Variants in PDK1 observed in about 807,000 individuals in gnomAD.
PDK1 encodes the protein pyruvate dehydrogenase kinase 1.
A neutral mutation model predicts 54.2 loss-of-function variants in PDK1; 39 were observed. That is an observed-to-expected ratio of 0.72 (90% CI 0.56 to 0.94). The LOEUF (loss-of-function observed/expected upper bound fraction) is 0.94. PDK1 is among the 40% of genes least tolerant of loss of function. The pLI is 0.00. For missense variants in PDK1, 552 were observed against 566.0 expected (o/e 0.98, Z 0.25); for synonymous variants, 221 against 207.1 (o/e 1.07, Z -0.58).
intron 8 of PDK1, among the ~76,000 whole-genome samples, chr2:172,577,800 T>C (rs928940808): frequency 3.3e-5 from 5 of 152,184 alleles, no homozygotes; most frequent in African/African-American, 7.2e-5. Context: ...TACAGAGATT[T>C]ATAATTATTG....
chr2:172,579,922 A>G (rs1553482373), intron 8 of PDK1, among the ~76,000 whole-genome samples: 2 of 151,810 alleles, frequency 1.3e-5, no homozygotes, highest in Non-Finnish European at 1.5e-5. Flanking sequence ...TCAACTTTTT[A>G]TTCTATTCTG....
the PDK1 span, among the ~76,000 whole-genome samples, chr2:172,688,264 T>C: frequency 6.6e-6 from 1 of 152,122 alleles, no homozygotes; most frequent in Non-Finnish European, 1.5e-5. Flanking sequence ...GTGCCAGAAG[T>C]ATGTGATATG....
chr2:172,558,667 T>C (rs369326536), intron 1 of PDK1, 41 bp from the exon 2 acceptor site: 150 of 1,537,428 alleles, frequency 9.8e-5, no homozygotes, highest in Non-Finnish European at 1.2e-4. Flanking sequence ...TGTTTCCTTA[T>C]GGCTTTTACT....
At chr2:172,587,376 C>T (rs976385405) in intron 9 of PDK1, among the ~76,000 whole-genome samples, 2 of 151,820 alleles carry the variant, frequency 1.3e-5, no homozygotes. Context: ...TTGTTTGTTC[C>T]TCTCAGTGGG....
At position 172,600,205 on chromosome 2, in the gene PDK1, C is replaced by T. The variant is rs779515208; in HGVS notation, c.*4236C>T. ...CATGGTTTTGTACTTAGATGTCTCT[C>T]ATTATGGAATTCAGAATGTGACAGT... On this transcript the variant is annotated 3_prime_UTR_variant, in exon 11 of 11. Coordinates refer to ENST00000282077, the MANE Select transcript of PDK1 (RefSeq NM_002610.5). 3 of 152,110 alleles carry T rather than the reference C, an allele frequency of 2.0e-5. No homozygotes were observed. Among genetic ancestry groups the T allele is most frequent in the Admixed American group, 6.6e-5 (1 of 15,262 alleles). 9.4% of individuals were successfully genotyped at this position (152,110 alleles called of 1,614,324 possible).
the PDK1 span, among the ~76,000 whole-genome samples, chr2:172,617,866 A>G: frequency 2.0e-5 from 3 of 152,224 alleles, no homozygotes; most frequent in Non-Finnish European, 2.9e-5. Flanking sequence ...ACATACATAT[A>G]TTTATACACA....
chr2:172,681,215 AAAG>A, the PDK1 span, among the ~76,000 whole-genome samples: 1 of 152,238 alleles, frequency 6.6e-6, no homozygotes, highest in Non-Finnish European at 1.5e-5. Context: ...AAAGGAGTGA[AAAG>A]AAGTTAAGCG....
rs144985808 is a variant in PDK1 at position 172,564,534 on chromosome 2, C to T, written c.442C>T (p.Arg148Ter). 4.4e-5 allele frequency: 71 copies of T among 1,613,882 alleles called. No individual in the cohort carries two copies. Among genetic ancestry groups the T allele is most frequent in the Non-Finnish European group, 5.3e-5 (62 of 1,179,892 alleles). Residue 148 changes from arginine to a stop codon, truncating the protein, a stop_gained, in exon 4 of 11, where the codon CGA (arginine) becomes TGA (stop). Coordinates refer to ENST00000282077, the MANE Select transcript of PDK1 (RefSeq NM_002610.5). LOFTEE classifies it high-confidence loss of function. ...AGATACTGTGATACGGATCAGAAAC[C>T]GACACAATGATGTCATTCCCACAAT... ...FTDTVIRIRN[R>*]HNDVIPTMAQ...
chr2:172,599,618 T>C lies in PDK1; in HGVS notation c.*3649T>C, dbSNP rs1691044972. 1 of 152,196 alleles carries C rather than the reference T, an allele frequency of 6.6e-6. No individual in the cohort carries two copies. Among genetic ancestry groups the C allele is most frequent in the African/African-American group, 2.4e-5 (1 of 41,458 alleles). 9.4% of individuals were successfully genotyped at this position (152,196 alleles called of 1,614,324 possible). A position where few individuals can be genotyped will look rare whatever the true frequency, so the allele number is the denominator to read the frequency against. On this transcript the variant is annotated 3_prime_UTR_variant, in exon 11 of 11. Transcript: ENST00000282077. ...GAAAAATAATATAATTAATACTGTG[T>C]GAAGAATTTTTTGCATGTTAAAAAA...
the PDK1 span, among the ~76,000 whole-genome samples, chr2:172,634,772 C>CAAAAAAAA: frequency 7.7e-6 from 1 of 129,750 alleles, no homozygotes. Flanking sequence ...TCTTAAAATG[C>CAAAAAAAA]AAAAAAAAAA....
chr2:172,671,213 C>G, the PDK1 span, among the ~76,000 whole-genome samples: 1 of 151,134 alleles, frequency 6.6e-6, no homozygotes, highest in Admixed American at 6.6e-5. Flanking sequence ...TTGCGTCATC[C>G]TAGTCTTTGT....
chr2:172,658,519 C>G, the PDK1 span, among the ~76,000 whole-genome samples: 95 of 152,172 alleles, frequency 6.2e-4, no homozygotes, highest in African/African-American at 2.2e-3. Flanking sequence ...TTTTAGGGAA[C>G]AAGGGAGGAC....
chr2:172,610,724 C>T (rs1483717013), downstream of PDK1, among the ~76,000 whole-genome samples: 1 of 152,182 alleles, frequency 6.6e-6, no homozygotes, highest in Non-Finnish European at 1.5e-5. Context: ...GATTCTCCTG[C>T]CTCAGCCTCC....
the PDK1 span, among the ~76,000 whole-genome samples, chr2:172,701,374 C>G: frequency 6.6e-6 from 1 of 152,188 alleles, no homozygotes; most frequent in Non-Finnish European, 1.5e-5. Context: ...GGCAACTGTC[C>G]AAATGAATCA....
intron 8 of PDK1, among the ~76,000 whole-genome samples, chr2:172,576,229 A>G (rs1689578263): frequency 6.6e-6 from 1 of 152,106 alleles, no homozygotes; most frequent in Non-Finnish European, 1.5e-5. Flanking sequence ...CCCAGCCTAT[A>G]GTTTGTGTTT....
At chr2:172,622,284 T>TATTATGTGAGATATGTTTATATCTC in the PDK1 span, among the ~76,000 whole-genome samples, 34 of 79,886 alleles carry the variant, frequency 4.3e-4, no homozygotes, top group Admixed American at 1.1e-3. Flanking sequence ...TTATATCTCA[T>TATTATGTGAGATATGTTTATATCTC]ATATTATGTG....
chr2:172,618,431 A>T, the PDK1 span, among the ~76,000 whole-genome samples: 2 of 152,256 alleles, frequency 1.3e-5, no homozygotes, highest in Non-Finnish European at 1.5e-5. Flanking sequence ...AGCAATAAAG[A>T]TTAAAACATT....
chr2:172,564,492 GGTTT>G lies in PDK1; in HGVS notation c.411-6_411-3del. ...AAATATTTGGCTGTTTTGACAGATG[GGTTT>G]GTTTAGCTTTACAGATACTGTGATA... is the stretch of plus-strand genomic sequence containing the variant. On this transcript the variant is annotated splice_region_variant and splice_polypyrimidine_tract_variant and intron_variant, in intron 3 of 10. Transcript: ENST00000282077. 1 of 1,599,914 alleles carries G rather than the reference GGTTT, an allele frequency of 6.3e-7. No individual in the cohort carries two copies. Among genetic ancestry groups the G allele is most frequent in the Non-Finnish European group, 8.6e-7 (1 of 1,169,336 alleles).
the PDK1 span, among the ~76,000 whole-genome samples, chr2:172,700,648 C>T: frequency 0.19 from 28,632 of 151,928 alleles, 3,284 homozygotes; most frequent in African/African-American, 0.32. Flanking sequence ...GAGGCTAAGG[C>T]AGGCGGCTGG....
Sources: gnomAD v4.1 joint callset for allele counts (sites outside exome capture counted in the v4.1 genomes callset) on GRCh38, gnomAD v4.1.1 for gene constraint, MANE v1.5 for transcripts, NCBI Gene and HGNC (gene_info 2026-07-23, HGNC 2026-07-21) for gene names.